Variants in ANKRD36C observed in about 807,000 individuals in gnomAD.
ANKRD36C encodes ankyrin repeat domain 36C.
A neutral mutation model predicts 276.4 loss-of-function variants in ANKRD36C; 61 were observed. The observed-to-expected ratio is 0.22, with a 90% CI of 0.18 to 0.27. The LOEUF (loss-of-function observed/expected upper bound fraction) is 0.27, where lower values mean the gene tolerates loss of function less well. ANKRD36C is among the 10% of genes least tolerant of loss of function. The pLI, the probability that ANKRD36C is intolerant of heterozygous loss-of-function variation, is 1.00. For synonymous variants in ANKRD36C, 483 were observed against 680.1 expected (o/e 0.71, Z 4.51); for missense variants, 1,447 against 2,032.3 (o/e 0.71, Z 5.54).
intron 40 of ANKRD36C, 112 bp from the exon 43 acceptor site, chr2:95,912,547 C>A (rs1573759963): frequency 1.0e-5 from 16 of 1,558,758 alleles, no homozygotes; most frequent in Non-Finnish European, 1.4e-5. Flanking sequence ...TTAGTGGAGG[C>A]TTTGATGGCT....
chr2:95,929,091 C>T, exon 26 of ANKRD36C: 1 of 1,603,856 alleles, frequency 6.2e-7, no homozygotes, highest in Non-Finnish European at 8.5e-7. Context: ...ATATTGGTCC[C>T]TCCTTTATTT....
rs2251264 is a variant in ANKRD36C at position 95,991,448 on chromosome 2, G to C, written c.197+64C>G. 101 of 1,530,800 alleles carry C rather than the reference G, an allele frequency of 6.6e-5. No individual in the cohort carries two copies. The Admixed American group carries it at 9.6e-4, about 15-fold the overall frequency. The allele number at this position is 1,530,800 out of a possible 1,614,324, so 94.8% of individuals were successfully genotyped here. A position where few individuals can be genotyped will look rare whatever the true frequency, so the allele number is the denominator to read the frequency against. On this transcript the variant is annotated intron_variant, in intron 1 of 66. Transcript: ENST00000456556. ...CATCCGCCCCGCAGCCCTCAGCCTG[G>C]AAAGGGGTACTTCTCCACATCCACA... is the stretch of plus-strand genomic sequence containing the variant.
chr2:95,892,414 C>T (rs1234927484), intron 44 of ANKRD36C, among the ~76,000 whole-genome samples: 5 of 151,446 alleles, frequency 3.3e-5, no homozygotes, highest in Admixed American at 1.3e-4. Context: ...AATGATACCT[C>T]GTAGATAATA....
Position 95,929,057 on chromosome 2 carries a change from G to C in ANKRD36C, c.1837+15C>G, listed in dbSNP as rs766737394. On this transcript the variant is annotated intron_variant, in intron 26 of 66. Transcript: ENST00000456556. Reference sequence around the variant, plus strand: ...CTTGATTGAACATGACATTAGAAGTGTTTTGCAAAATTACCTGTCCCAGAT... The same window carrying C: ...CTTGATTGAACATGACATTAGAAGTCTTTTGCAAAATTACCTGTCCCAGAT... 1 of 1,602,064 alleles carries C rather than the reference G, an allele frequency of 6.2e-7. No homozygotes were observed. Among genetic ancestry groups the C allele is most frequent in the Non-Finnish European group, 8.5e-7 (1 of 1,177,836 alleles).
intron 17 of ANKRD36C, among the ~76,000 whole-genome samples, chr2:95,947,375 AT>A (rs143168064): frequency 6.6e-6 from 1 of 152,018 alleles, no homozygotes. Context: ...GTAACATTCC[AT>A]TTAAAAAAAG....
At chr2:95,976,303 C>T (rs1678808257) in intron 6 of ANKRD36C, among the ~76,000 whole-genome samples, 1 of 152,302 alleles carries the variant, frequency 6.6e-6, no homozygotes, top group Non-Finnish European at 1.5e-5. Context: ...GATTATAAAT[C>T]ATGCTGCTAT....
At chr2:95,929,117 A>C in exon 26 of ANKRD36C, 1 of 1,603,612 alleles carries the variant, frequency 6.2e-7, no homozygotes, top group Non-Finnish European at 8.5e-7. Context: ...GCTATATTTG[A>C]AACAGAATCT....
intron 61 of ANKRD36C, among the ~76,000 whole-genome samples, chr2:95,859,313 T>C (rs897839739): frequency 2.0e-5 from 3 of 152,162 alleles, no homozygotes; most frequent in African/African-American, 7.2e-5. Flanking sequence ...ATTACAGTCA[T>C]GAGCCACTGC....
intron 19 of ANKRD36C, among the ~76,000 whole-genome samples, chr2:95,941,644 G>C (rs930835049): frequency 2.0e-5 from 3 of 152,304 alleles, no homozygotes; most frequent in Non-Finnish European, 4.4e-5. Context: ...CAGAGAAAGT[G>C]GAGTGGAGAG....
At chr2:95,987,003 T>C in intron 2 of ANKRD36C, 79 bp from the exon 3 acceptor site, 2 of 1,589,088 alleles carry the variant, frequency 1.3e-6, no homozygotes, top group Admixed American at 1.8e-5. Context: ...ACTAGTTATA[T>C]GGTGGTATTC....
At chr2:95,988,014 A>T (rs774447930) in intron 1 of ANKRD36C, among the ~76,000 whole-genome samples, 7 of 152,138 alleles carry the variant, frequency 4.6e-5, no homozygotes, top group Non-Finnish European at 8.8e-5. Context: ...CATTTTAAAC[A>T]TTATCTTATT....
intron 59 of ANKRD36C, among the ~76,000 whole-genome samples, chr2:95,874,741 C>T (rs1250200674): frequency 6.6e-6 from 1 of 152,114 alleles, no homozygotes; most frequent in African/African-American, 2.4e-5. Flanking sequence ...AGTGAACAGG[C>T]AACCTACAAA....
intron 20 of ANKRD36C, among the ~76,000 whole-genome samples, chr2:95,939,933 T>A (rs1309094264): frequency 1.3e-5 from 2 of 151,968 alleles, no homozygotes; most frequent in African/African-American, 4.9e-5. Context: ...ACACATCAAA[T>A]AACTAATGAG....
chr2:95,976,776 G>A (rs1049733137), intron 6 of ANKRD36C, among the ~76,000 whole-genome samples: 10 of 152,010 alleles, frequency 6.6e-5, no homozygotes, highest in African/African-American at 2.2e-4. Context: ...TACCGCCAAA[G>A]AGCTTTTAAA....
At chr2:95,875,947 C>T (rs12053473) in intron 59 of ANKRD36C, 7,655 of 430,292 alleles carry the variant, frequency 0.018, 564 homozygotes, top group East Asian at 0.16. Flanking sequence ...ATTTTATGAC[C>T]TATTCTCTCC....
intron 54 of ANKRD36C, 120 bp downstream of exon 74, chr2:95,884,053 A>C (rs1346319364): frequency 2.6e-6 from 3 of 1,175,864 alleles, no homozygotes; most frequent in Non-Finnish European, 3.6e-6. Flanking sequence ...CAAATGAAGA[A>C]TCTCAGGTCT....
intron 13 of ANKRD36C, among the ~76,000 whole-genome samples, chr2:95,954,650 T>C (rs1286157664): frequency 8.5e-5 from 13 of 152,192 alleles, no homozygotes; most frequent in Admixed American, 8.5e-4. Context: ...TTATTGGGAA[T>C]ATTCTTCACA....
intron 44 of ANKRD36C, 107 bp from the exon 61 acceptor site, chr2:95,895,697 G>A: frequency 6.5e-7 from 1 of 1,531,028 alleles, no homozygotes; most frequent in Non-Finnish European, 8.8e-7. Context: ...CTGTATTAGT[G>A]GAGGCTTTCA....
chr2:95,934,563 A>G (rs77409803), intron 24 of ANKRD36C, among the ~76,000 whole-genome samples: 1 of 152,212 alleles, frequency 6.6e-6, no homozygotes, highest in African/African-American at 2.4e-5. Context: ...ATAAGAACAC[A>G]TGGACACAGG....
Sources: gnomAD v4.1 joint callset for allele counts (sites outside exome capture counted in the v4.1 genomes callset) on GRCh38, gnomAD v4.1.1 for gene constraint, MANE v1.5 for transcripts, NCBI Gene and HGNC (gene_info 2026-07-23, HGNC 2026-07-21) for gene names.